The following GPC5 variants were observed in gnomAD, a reference collection of about 807,000 sequenced individuals.
The protein encoded by GPC5 is glypican 5.
In GPC5, 47 loss-of-function variants were observed where a neutral mutation model predicts 53.9. That is an observed-to-expected ratio of 0.87 (90% CI 0.69 to 1.11). The LOEUF (loss-of-function observed/expected upper bound fraction) is 1.11. Ranked by LOEUF, GPC5 falls within the 50% of genes most tolerant of loss-of-function variation. The pLI, the probability that GPC5 is intolerant of heterozygous loss-of-function variation, is 0.00. For missense variants in GPC5, 748 were observed against 713.1 expected (o/e 1.05, Z -0.56); for synonymous variants, 286 against 263.3 (o/e 1.09, Z -0.84).
Position 92,511,849 on chromosome 13 carries a change from T to TC in GPC5, c.1562-354433_1562-354432insC, listed in dbSNP as rs575748459. Among the ~76,000 whole-genome samples the TC allele has an allele frequency of 9.7e-4, 148 of 152,284 alleles. 1 individual carries two copies. The highest frequency in any genetic ancestry group is 9.0e-3 in the Admixed American group (138 of 15,302). ...GACTTCATCATCTCATGCAGCACTTTACCTGTGATCATTTTCCATCTCAGT... is the reference window on the plus strand; with the variant it reads ...GACTTCATCATCTCATGCAGCACTTTCACCTGTGATCATTTTCCATCTCAGT... On this transcript the variant is annotated intron_variant, in intron 7 of 7. Transcript: ENST00000377067.
At chr13:91,726,080 C>T (rs1445912770) in intron 3 of GPC5, among the ~76,000 whole-genome samples, 1 of 152,140 alleles carries the variant, frequency 6.6e-6, no homozygotes, top group Non-Finnish European at 1.5e-5. Flanking sequence ...AACATACTTT[C>T]CTCATTTTTG....
intron 4 of GPC5, among the ~76,000 whole-genome samples, chr13:91,755,959 G>A (rs1217127174): frequency 6.0e-5 from 9 of 151,132 alleles, no homozygotes; most frequent in South Asian, 4.2e-4. Context: ...AAGTGATGTC[G>A]TTCTTTATGC....
At chr13:92,832,394 C>A (rs766733287) in intron 7 of GPC5, among the ~76,000 whole-genome samples, 50 of 152,176 alleles carry the variant, frequency 3.3e-4, no homozygotes, top group Admixed American at 5.9e-4. Context: ...AGTGGAGTAA[C>A]TTTCCAACCA....
intron 7 of GPC5, among the ~76,000 whole-genome samples, chr13:92,239,408 C>T (rs1330740664): frequency 6.6e-6 from 1 of 151,910 alleles, no homozygotes; most frequent in East Asian, 1.9e-4. Context: ...CAAAATCATT[C>T]AGTGAATACC....
At chr13:91,823,859 T>C (rs1017965056) in intron 5 of GPC5, among the ~76,000 whole-genome samples, 2 of 152,118 alleles carry the variant, frequency 1.3e-5, no homozygotes, top group African/African-American at 2.4e-5. Context: ...TGTCTATAAC[T>C]AATGTTTATA....
At chr13:91,971,021 G>A (rs1470495329) in intron 6 of GPC5, among the ~76,000 whole-genome samples, 3 of 152,178 alleles carry the variant, frequency 2.0e-5, no homozygotes, top group African/African-American at 7.2e-5. Flanking sequence ...CTATTGATTG[G>A]AATAGTTTCA....
intron 6 of GPC5, among the ~76,000 whole-genome samples, chr13:92,083,670 T>C (rs2041314414): frequency 6.6e-6 from 1 of 152,344 alleles, no homozygotes; most frequent in South Asian, 2.1e-4. Flanking sequence ...TATAATAGAA[T>C]GATTTACATT....
intron 7 of GPC5, among the ~76,000 whole-genome samples, chr13:92,272,613 C>T (rs936883512): frequency 6.6e-6 from 1 of 152,048 alleles, no homozygotes; most frequent in African/African-American, 2.4e-5. Flanking sequence ...CAGTCTCTTG[C>T]CCCATTGTGT....
At chr13:92,685,538 A>G (rs1352014520) in intron 7 of GPC5, among the ~76,000 whole-genome samples, 1 of 100,868 alleles carries the variant, frequency 9.9e-6, no homozygotes, top group Non-Finnish European at 2.0e-5. Context: ...ATGAAAAATT[A>G]TGCTCATTTT....
chr13:91,654,451 T>C (rs541796164), intron 2 of GPC5, among the ~76,000 whole-genome samples: 14 of 152,264 alleles, frequency 9.2e-5, no homozygotes, highest in African/African-American at 3.4e-4. Flanking sequence ...TGGATTATTG[T>C]TTACTATTGT....
At chr13:92,303,090 T>C (rs1164258221) in intron 7 of GPC5, among the ~76,000 whole-genome samples, 5 of 152,172 alleles carry the variant, frequency 3.3e-5, no homozygotes, top group Admixed American at 2.0e-4. Context: ...TTTCATTGTT[T>C]TTTTCCCCCC....
In GPC5 at chr13:92,853,180, T is replaced by C. The variant is rs116559857; in HGVS notation, c.1562-13102T>C. 6.3e-3 allele frequency among the ~76,000 whole-genome samples: 962 copies of C among 152,272 alleles called. 12 individuals are homozygous for C. Among genetic ancestry groups the C allele is most frequent in the African/African-American group, 0.022 (932 of 41,560 alleles). Reference sequence around the variant, plus strand: ...GACTCTACTGAGAGAAGAAAACTTTTCAAAAATGTAGTCCTCCTTATCTGA... The same window carrying C: ...GACTCTACTGAGAGAAGAAAACTTTCCAAAAATGTAGTCCTCCTTATCTGA... On this transcript the variant is annotated intron_variant, in intron 7 of 7. Transcript: ENST00000377067.
chr13:92,296,879 G>A (rs576047111), intron 7 of GPC5, among the ~76,000 whole-genome samples: 11 of 152,280 alleles, frequency 7.2e-5, no homozygotes, highest in South Asian at 6.2e-4. Context: ...TCGATTTCTC[G>A]CCGGGCCTTA....
At chr13:92,032,395 C>G (rs893620458) in intron 6 of GPC5, among the ~76,000 whole-genome samples, 1 of 150,842 alleles carries the variant, frequency 6.6e-6, no homozygotes, top group East Asian at 1.9e-4. Flanking sequence ...AGAACTGACT[C>G]GTGTAACCAA....
chr13:91,658,293 T>C (rs1209577564), intron 2 of GPC5, among the ~76,000 whole-genome samples: 1 of 152,136 alleles, frequency 6.6e-6, no homozygotes, highest in East Asian at 1.9e-4. Context: ...AATTGAAATA[T>C]AATAGTAAAT....
chr13:92,127,534 G>A (rs2041709093), intron 6 of GPC5, among the ~76,000 whole-genome samples: 1 of 152,082 alleles, frequency 6.6e-6, no homozygotes, highest in African/African-American at 2.4e-5. Flanking sequence ...CATACATAAT[G>A]GTACTCAGGA....
chr13:92,392,703 A>T (rs963127080), intron 7 of GPC5, among the ~76,000 whole-genome samples: 1 of 152,198 alleles, frequency 6.6e-6, no homozygotes, highest in African/African-American at 2.4e-5. Flanking sequence ...AAACAAGTTT[A>T]CAAGAGAAAC....
chr13:91,547,727 C>T (rs2030378174), intron 2 of GPC5, among the ~76,000 whole-genome samples: 1 of 151,920 alleles, frequency 6.6e-6, no homozygotes, highest in African/African-American at 2.4e-5. Context: ...GTTGCAAATC[C>T]TCAACAAAAT....
chr13:92,151,649 C>T (rs543709649), intron 7 of GPC5, among the ~76,000 whole-genome samples: 141 of 152,232 alleles, frequency 9.3e-4, no homozygotes, highest in African/African-American at 3.3e-3. Context: ...CAGGGCCTGA[C>T]GCTCTCAGGT....
Sources: allele counts gnomAD v4.1 joint callset (sites outside exome capture counted in the v4.1 genomes callset), GRCh38; gene constraint gnomAD v4.1.1; transcripts MANE v1.5; gene names NCBI Gene and HGNC (gene_info 2026-07-23, HGNC 2026-07-21).